Variants in SLC35D4 observed in about 807,000 individuals in gnomAD.
SLC35D4 encodes solute carrier family 35 member D4.
At chr18:23,407,511 C>T in the SLC35D4 span, among the ~76,000 whole-genome samples, 2 of 151,922 alleles carry the variant, frequency 1.3e-5, no homozygotes. Context: ...AAAAAATCAG[C>T]TCTCCAAAAA....
chr18:23,333,856 T>C, the SLC35D4 span, among the ~76,000 whole-genome samples: 2 of 152,176 alleles, frequency 1.3e-5, no homozygotes, highest in African/African-American at 4.8e-5. Flanking sequence ...AGGACTAACC[T>C]GAGACTTGAA....
chr18:23,398,654 G>T, the SLC35D4 span, among the ~76,000 whole-genome samples: 1 of 152,180 alleles, frequency 6.6e-6, no homozygotes, highest in Admixed American at 6.5e-5. Context: ...CAAAATTACA[G>T]TCCTCACTGC....
At chr18:23,261,688 C>G in the SLC35D4 span, among the ~76,000 whole-genome samples, 5 of 152,170 alleles carry the variant, frequency 3.3e-5, no homozygotes, top group Admixed American at 3.3e-4. Flanking sequence ...CAAATACACT[C>G]AGAACACTTT....
the SLC35D4 span, among the ~76,000 whole-genome samples, chr18:23,358,472 G>A: frequency 5.3e-5 from 8 of 151,884 alleles, no homozygotes; most frequent in African/African-American, 1.9e-4. Context: ...CACAGTCCTC[G>A]GGAAATCATA....
the SLC35D4 span, chr18:23,331,649 C>T: frequency 3.3e-5 from 5 of 153,014 alleles, no homozygotes; most frequent in Non-Finnish European, 7.3e-5. Context: ...GCATTTATAC[C>T]CATTAGCACC....
the SLC35D4 span, among the ~76,000 whole-genome samples, chr18:23,255,736 T>C: frequency 6.6e-6 from 1 of 151,946 alleles, no homozygotes; most frequent in Non-Finnish European, 1.5e-5. Context: ...ATTTTTTTTA[T>C]TTTTTATAGA....
chr18:23,425,544 C>T, the SLC35D4 span, among the ~76,000 whole-genome samples: 42,119 of 152,140 alleles, frequency 0.28, 6,328 homozygotes, highest in East Asian at 0.4. Flanking sequence ...TCGCCTACCA[C>T]AAACATGTTC....
At chr18:23,348,617 TAA>T in the SLC35D4 span, among the ~76,000 whole-genome samples, 2 of 152,246 alleles carry the variant, frequency 1.3e-5, no homozygotes, top group African/African-American at 4.8e-5. Flanking sequence ...TTTCCTGTTA[TAA>T]AGTCTATTTT....
At chr18:23,252,870 T>C in the SLC35D4 span, 8 of 807,288 alleles carry the variant, frequency 9.9e-6, no homozygotes. Context: ...CTCATGGCTT[T>C]GGGAGTTGTA....
chr18:23,310,211 G>A, the SLC35D4 span: 76 of 985,278 alleles, frequency 7.7e-5, no homozygotes, highest in Admixed American at 1.8e-4. Context: ...CCATCTCTCC[G>A]TCCTCACCTA....
the SLC35D4 span, among the ~76,000 whole-genome samples, chr18:23,364,392 G>T: frequency 6.6e-6 from 1 of 152,116 alleles, no homozygotes; most frequent in Non-Finnish European, 1.5e-5. Flanking sequence ...CAATCCTTCT[G>T]AGTCTATTCT....
the SLC35D4 span, among the ~76,000 whole-genome samples, chr18:23,283,938 T>C: frequency 1.3e-5 from 2 of 152,234 alleles, no homozygotes; most frequent in African/African-American, 2.4e-5. Flanking sequence ...GGATTATTCA[T>C]GAGTCTTTCA....
chr18:23,276,093 C>CTT, the SLC35D4 span, among the ~76,000 whole-genome samples: 17 of 148,856 alleles, frequency 1.1e-4, no homozygotes, highest in African/African-American at 3.7e-4. Context: ...AAAAGGGCAC[C>CTT]TTTTTTTTTT....
chr18:23,292,375 G>A, the SLC35D4 span, among the ~76,000 whole-genome samples: 1 of 152,218 alleles, frequency 6.6e-6, no homozygotes, highest in Admixed American at 6.5e-5. Flanking sequence ...CATTTCCCCA[G>A]TGCTCCTGGT....
At chr18:23,252,983 G>A in the SLC35D4 span, 2 of 1,613,052 alleles carry the variant, frequency 1.2e-6, no homozygotes, top group Non-Finnish European at 1.7e-6. Flanking sequence ...ACTACGTGAA[G>A]CCCTCGGATC....
At chr18:23,306,048 C>T in the SLC35D4 span, among the ~76,000 whole-genome samples, 2 of 152,060 alleles carry the variant, frequency 1.3e-5, no homozygotes, top group African/African-American at 2.4e-5. Context: ...AATCTCCTAC[C>T]GATGTTCAAA....
the SLC35D4 span, among the ~76,000 whole-genome samples, chr18:23,339,990 TCAAA>T: frequency 6.6e-6 from 1 of 152,106 alleles, no homozygotes. Context: ...GTGACCAAAG[TCAAA>T]CAGTGAGTAC....
the SLC35D4 span, among the ~76,000 whole-genome samples, chr18:23,364,934 G>GAGAATT: frequency 1.1e-5 from 1 of 88,988 alleles, no homozygotes; most frequent in African/African-American, 4.3e-5. Context: ...AAAAAAAAAA[G>GAGAATT]GACTCCTTTC....
the SLC35D4 span, among the ~76,000 whole-genome samples, chr18:23,263,198 T>C: frequency 2.0e-5 from 3 of 152,326 alleles, no homozygotes; most frequent in Middle Eastern, 6.8e-3. Flanking sequence ...TCCTGCCTCA[T>C]GCTTAGAATG....
Sources: allele counts gnomAD v4.1 joint callset (sites outside exome capture counted in the v4.1 genomes callset), GRCh38; gene constraint gnomAD v4.1.1; transcripts MANE v1.5; gene names NCBI Gene and HGNC (gene_info 2026-07-23, HGNC 2026-07-21).